Variants in LARP1 observed in about 807,000 individuals in gnomAD.
The protein encoded by LARP1 is La ribonucleoprotein 1, translational regulator.
Under a neutral mutation model 122.7 loss-of-function variants are expected in LARP1, and 36 were observed. That is an observed-to-expected ratio of 0.29 (90% confidence interval 0.22 to 0.39). LARP1 has a LOEUF of 0.39. Ranked by LOEUF, LARP1 falls within the 10% of genes least tolerant of loss-of-function variation. LARP1 has a pLI of 1.00. For missense variants in LARP1, 1,040 were observed against 1,403.6 expected (o/e 0.74, Z 4.14); for synonymous variants, 539 against 528.7 (o/e 1.02, Z -0.27).
At position 154,813,954 on chromosome 5, in the gene LARP1, G is replaced by T; in HGVS notation, c.3149G>T (p.Gly1050Val). The T allele has an allele frequency of 4.3e-6, 7 of 1,614,062 alleles. No homozygotes were observed. The highest frequency in any genetic ancestry group is 5.1e-6 in the Non-Finnish European group (6 of 1,179,994). ...GTAGCAGGAGGTGGCGGCGGTGAGGGCAGGAAGCGGTGCCCCTCCCAGTCT... is the reference window on the plus strand; with the variant it reads ...GTAGCAGGAGGTGGCGGCGGTGAGGTCAGGAAGCGGTGCCCCTCCCAGTCT... ...SVVAGGGGGEGRKRCPSQSSS... is the reference protein window; with the variant it reads ...SVVAGGGGGEVRKRCPSQSSS... Residue 1050 changes from glycine to valine, a missense_variant, in exon 19 of 19, where the codon GGC (glycine) becomes GTC (valine). Coordinates refer to ENST00000518297, the MANE Select transcript of LARP1 (RefSeq NM_033551.3).
In LARP1 at chr5:154,811,354, C is replaced by A. The variant is rs751620020; in HGVS notation, c.2951C>A (p.Ala984Asp). ...FQEETVKDYE[A>D]GQLYGLEKFW... Reference sequence around the variant, plus strand: ...GAGGAAACGGTGAAGGACTATGAAGCTGGTAAGAGCCAGAGTTGGATCTGA... The same window carrying A: ...GAGGAAACGGTGAAGGACTATGAAGATGGTAAGAGCCAGAGTTGGATCTGA... Residue 984 changes from alanine to aspartate, a missense_variant and splice_region_variant, in exon 17 of 19, where the codon GCT becomes GAT. Ala to Asp is a moderately radical substitution (Grantham distance 126, BLOSUM62 -2). Transcript: ENST00000518297. The A allele has an allele frequency of 6.2e-7, 1 of 1,613,886 alleles. No homozygotes were observed. The highest frequency in any genetic ancestry group is 8.5e-7 in the Non-Finnish European group (1 of 1,179,770).
At chr5:154,789,126 A>G (rs982028553) in intron 1 of LARP1, among the ~76,000 whole-genome samples, 1 of 149,310 alleles carries the variant, frequency 6.7e-6, no homozygotes, top group Non-Finnish European at 1.5e-5. Context: ...CAGGAGAATC[A>G]CTTGAACCCG....
At chr5:154,751,876 G>A (rs558027255), upstream of LARP1, among the ~76,000 whole-genome samples, 2 of 152,212 alleles carry the variant, frequency 1.3e-5, no homozygotes, top group South Asian at 4.2e-4. Flanking sequence ...CTGGGATAAG[G>A]GAGGATGACT....
intron 8 of LARP1, among the ~76,000 whole-genome samples, chr5:154,796,041 T>G (rs1299331655): frequency 6.5e-5 from 7 of 108,020 alleles, no homozygotes; most frequent in Non-Finnish European, 1.1e-4. Context: ...TTTATATATA[T>G]TATATATTTA....
intron 1 of LARP1, among the ~76,000 whole-genome samples, chr5:154,716,201 C>T (rs1351874078): frequency 1.3e-5 from 2 of 152,102 alleles, no homozygotes; most frequent in Non-Finnish European, 2.9e-5. Context: ...CCCCCTGCAC[C>T]CTCTGCCTCC....
At chr5:154,812,904 A>G (rs779832344) in intron 18 of LARP1, among the ~76,000 whole-genome samples, 5 of 152,142 alleles carry the variant, frequency 3.3e-5, no homozygotes, top group African/African-American at 7.2e-5. Context: ...CCATGATGCA[A>G]TTATCTCCAC....
chr5:154,794,767 C>A (rs1757613332), intron 7 of LARP1, among the ~76,000 whole-genome samples: 1 of 152,186 alleles, frequency 6.6e-6, no homozygotes, highest in African/African-American at 2.4e-5. Context: ...CTTTTCTGTC[C>A]TATTATAGAA....
At chr5:154,793,317 C>T (rs1419071766) in intron 4 of LARP1, among the ~76,000 whole-genome samples, 4 of 152,172 alleles carry the variant, frequency 2.6e-5, no homozygotes, top group African/African-American at 9.7e-5. Flanking sequence ...GCATGGTCTT[C>T]ATCCTGGGCT....
chr5:154,805,737 T>G, intron 14 of LARP1, 144 bp from the exon 15 acceptor site: 1 of 795,114 alleles, frequency 1.3e-6, no homozygotes, highest in Non-Finnish European at 2.0e-6. Context: ...TGGATATAAG[T>G]TAAAGGTCCG....
At chr5:154,754,213 C>T (rs1753659756), upstream of LARP1, among the ~76,000 whole-genome samples, 1 of 152,200 alleles carries the variant, frequency 6.6e-6, no homozygotes, top group South Asian at 2.1e-4. Flanking sequence ...TGTTTATTGT[C>T]TCTTTCCCCA....
chr5:154,697,975 A>C (rs1331055532), intron 1 of LARP1, among the ~76,000 whole-genome samples: 1 of 151,422 alleles, frequency 6.6e-6, no homozygotes, highest in African/African-American at 2.4e-5. Flanking sequence ...GCAGTCATGT[A>C]CCACTATACC....
chr5:154,737,454 T>TTTTTTTTC (rs1756965169), intron 1 of LARP1, among the ~76,000 whole-genome samples: 1 of 138,410 alleles, frequency 7.2e-6, no homozygotes. Flanking sequence ...TTTTTTTTTT[T>TTTTTTTTC]TTTTTGAGAT....
chr5:154,737,773 C>G (rs905325291), intron 1 of LARP1, among the ~76,000 whole-genome samples: 1 of 152,148 alleles, frequency 6.6e-6, no homozygotes, highest in South Asian at 2.1e-4. Context: ...CCAAGTCTCT[C>G]TCTCTCTTTG....
intron 1 of LARP1, chr5:154,786,383 GC>G: frequency 9.1e-6 from 4 of 441,950 alleles, no homozygotes; most frequent in African/African-American, 4.0e-5. Context: ...TATTTAAGAA[GC>G]CCCCGGACCC....
At chr5:154,691,936 T>A (rs373293684) in intron 1 of LARP1, among the ~76,000 whole-genome samples, 3 of 151,998 alleles carry the variant, frequency 2.0e-5, no homozygotes, top group Non-Finnish European at 4.4e-5. Context: ...ACTACAGGCC[T>A]GCGCCACCAC....
At chr5:154,795,509 T>C (rs999380144) in intron 8 of LARP1, among the ~76,000 whole-genome samples, 190 bp downstream of exon 8, 3 of 152,050 alleles carry the variant, frequency 2.0e-5, no homozygotes, top group African/African-American at 7.3e-5. Context: ...TTATGGAAAA[T>C]GTCAGACACT....
chr5:154,685,327 G>A (rs1753879737), intron 1 of LARP1, among the ~76,000 whole-genome samples: 2 of 151,504 alleles, frequency 1.3e-5, no homozygotes, highest in Admixed American at 1.3e-4. Flanking sequence ...ACCCCTTAAT[G>A]CTCTCCTACC....
chr5:154,743,863 G>A (rs1320761109), intron 1 of LARP1, among the ~76,000 whole-genome samples: 2 of 150,582 alleles, frequency 1.3e-5, no homozygotes, highest in African/African-American at 4.9e-5. Flanking sequence ...CAAGTGAATC[G>A]CCTGCCTTGG....
intron 1 of LARP1, among the ~76,000 whole-genome samples, chr5:154,740,742 T>C (rs1752835301): frequency 6.6e-6 from 1 of 152,192 alleles, no homozygotes; most frequent in African/African-American, 2.4e-5. Context: ...GATGAGCAGC[T>C]CTGAAAGGCA....
Sources: allele counts gnomAD v4.1 joint callset (sites outside exome capture counted in the v4.1 genomes callset), GRCh38; gene constraint gnomAD v4.1.1; transcripts MANE v1.5; gene names NCBI Gene and HGNC (gene_info 2026-07-23, HGNC 2026-07-21).